PBLD: variants seen among roughly 807,000 people sequenced by gnomAD.
PBLD encodes phenazine biosynthesis-like domain-containing protein.
PBLD carries 26 observed loss-of-function variants against 31.3 expected under a neutral mutation model. That is an observed-to-expected ratio of 0.83 (90% CI 0.61 to 1.15). PBLD has a LOEUF of 1.15. Among genes scored for constraint, PBLD ranks in the 50% most tolerant of loss-of-function variants. PBLD has a pLI of 0.00. For synonymous variants in PBLD, 114 were observed against 129.0 expected (o/e 0.88, Z 0.79); for missense variants, 307 against 351.7 (o/e 0.87, Z 1.02).
In PBLD at chr10:68,293,385, C is replaced by T. The variant is rs540514198; in HGVS notation, c.284-1147G>A. Among the ~76,000 whole-genome samples, 33 of 152,308 alleles carry T rather than the reference C, an allele frequency of 2.2e-4. No individual in the cohort carries two copies. In the Middle Eastern group the frequency reaches 0.01, roughly 47 times the overall value. On this transcript the variant is annotated intron_variant, in intron 4 of 9. Coordinates refer to ENST00000358769, the MANE Select transcript of PBLD (RefSeq NM_022129.4). The stretch of plus-strand genomic sequence containing the variant: ...TTGGCATCCCATGTTACTGATACAA[C>T]TTGGGCTACTTATCAGTGTGTATAA...
At chr10:68,296,630 A>T (rs2044431772) in intron 3 of PBLD, among the ~76,000 whole-genome samples, 1 of 152,206 alleles carries the variant, frequency 6.6e-6, no homozygotes. Context: ...TCTGCATGCA[A>T]ATAATAAGGG....
intron 1 of PBLD, among the ~76,000 whole-genome samples, chr10:68,309,406 CAAAAAAAAA>C (rs58152894): frequency 7.0e-5 from 8 of 114,712 alleles, no homozygotes; most frequent in East Asian, 3.9e-4. Context: ...GATTATGTTT[CAAAAAAAAA>C]AAAAAAAAAA....
intron 2 of PBLD, among the ~76,000 whole-genome samples, chr10:68,305,342 G>A (rs1220002634): frequency 6.7e-6 from 1 of 148,990 alleles, no homozygotes; most frequent in Non-Finnish European, 1.5e-5. Context: ...CTGGCTCCTG[G>A]CCCCAAGCAA....
chr10:68,303,275 G>A (rs1589658453), intron 2 of PBLD, among the ~76,000 whole-genome samples: 2 of 151,852 alleles, frequency 1.3e-5, no homozygotes, highest in South Asian at 2.1e-4. Flanking sequence ...CTAATTTGAC[G>A]GGGTTTCACC....
Position 68,306,872 on chromosome 10 carries a change from C to A in PBLD, c.-28G>T, listed in dbSNP as rs1248429731. On this transcript the variant is annotated 5_prime_UTR_variant, in exon 2 of 10. Coordinates refer to ENST00000358769, the MANE Select transcript of PBLD (RefSeq NM_022129.4). Reference sequence around the variant, plus strand: ...TCCTTGCAAGCTGTTTTTGCAAGTTCTCAAAATTGCTGGTAGCCTGCTTTA... The same window carrying A: ...TCCTTGCAAGCTGTTTTTGCAAGTTATCAAAATTGCTGGTAGCCTGCTTTA... 1.3e-6 allele frequency: 2 copies of A among 1,566,226 alleles called. No individual in the cohort carries two copies. Among genetic ancestry groups the A allele is most frequent in the Non-Finnish European group, 1.8e-6 (2 of 1,140,740 alleles).
intron 6 of PBLD, 98 bp downstream of exon 6, chr10:68,291,912 A>T (rs754174477): frequency 5.7e-5 from 74 of 1,293,020 alleles, no homozygotes; most frequent in Non-Finnish European, 7.8e-5. Context: ...TAACATTTAT[A>T]TTGGTAAAAT....
chr10:68,319,833 T>A (rs905863529), intron 1 of PBLD, among the ~76,000 whole-genome samples: 3 of 151,338 alleles, frequency 2.0e-5, no homozygotes, highest in African/African-American at 7.3e-5. Flanking sequence ...TTTATTTATT[T>A]TTTTTTTGAG....
intron 1 of PBLD, among the ~76,000 whole-genome samples, chr10:68,308,212 T>C (rs2134481810): frequency 6.6e-6 from 1 of 152,340 alleles, no homozygotes; most frequent in South Asian, 2.1e-4. Context: ...AAAAACACCC[T>C]TTTAATAGAT....
At chr10:68,288,192 G>A (rs1053365651) in intron 8 of PBLD, 1 of 415,070 alleles carries the variant, frequency 2.4e-6, no homozygotes, top group African/African-American at 2.0e-5. Flanking sequence ...ATAGAGGAGG[G>A]AACTGAGACT....
intron 4 of PBLD, among the ~76,000 whole-genome samples, chr10:68,292,792 G>A (rs1265817555): frequency 6.6e-6 from 1 of 152,132 alleles, no homozygotes; most frequent in Non-Finnish European, 1.5e-5. Flanking sequence ...TTACAGGCGT[G>A]AGCCACCACA....
At chr10:68,323,807 G>A (rs2044872232) in intron 1 of PBLD, among the ~76,000 whole-genome samples, 3 of 152,222 alleles carry the variant, frequency 2.0e-5, no homozygotes, top group East Asian at 3.9e-4. Flanking sequence ...ATTCTTCACT[G>A]TAAATAATAA....
chr10:68,327,673 CAAAA>C (rs35759039), intron 1 of PBLD, among the ~76,000 whole-genome samples: 1 of 68,832 alleles, frequency 1.5e-5, no homozygotes, highest in Non-Finnish European at 2.7e-5. Context: ...GACTCCACCT[CAAAA>C]AAAAAAAAAA....
intron 1 of PBLD, among the ~76,000 whole-genome samples, chr10:68,322,663 C>CA (rs201985160): frequency 1.9e-3 from 229 of 119,162 alleles, no homozygotes; most frequent in East Asian, 2.5e-3. Context: ...GACCCTGTCT[C>CA]AAAAAAAAAA....
intron 1 of PBLD, among the ~76,000 whole-genome samples, chr10:68,330,638 C>T (rs140597646): frequency 2.5e-3 from 380 of 151,822 alleles, no homozygotes; most frequent in African/African-American, 8.3e-3. Context: ...CTCTGCCTCC[C>T]GGGTCCACGC....
Position 68,292,198 on chromosome 10 carries a change from T to A in PBLD, c.324A>T (p.Gly108=). 1 of 1,613,818 alleles carries A rather than the reference T, an allele frequency of 6.2e-7. No homozygotes were observed. The highest frequency in any genetic ancestry group is 1.1e-5 in the South Asian group (1 of 91,084). ...CCTCTGCTCGTCTGGCCCTTAGTTC[T>A]CCACTCAGAGTGACAAACGTGAGCG... ...NSTLTFVTLS[G]ELRARRAEDG... The change falls in exon 5 of 10, where the codon GGA becomes GGT. Residue 108 remains glycine (G), a synonymous_variant. Coordinates refer to ENST00000358769, the MANE Select transcript of PBLD (RefSeq NM_022129.4).
intron 6 of PBLD, among the ~76,000 whole-genome samples, chr10:68,291,372 C>G (rs1281348275): frequency 2.6e-5 from 4 of 152,208 alleles, no homozygotes; most frequent in Non-Finnish European, 1.5e-5. Flanking sequence ...ACACAGACCC[C>G]ATGAGGAGCC....
At chr10:68,322,101 TAA>T (rs372662365) in intron 1 of PBLD, among the ~76,000 whole-genome samples, 3 of 152,106 alleles carry the variant, frequency 2.0e-5, no homozygotes, top group African/African-American at 7.2e-5. Flanking sequence ...GTGATCAAGG[TAA>T]AGAGTCATGT....
At chr10:68,288,872 G>T in intron 7 of PBLD, 59 bp downstream of exon 7, 1 of 1,478,936 alleles carries the variant, frequency 6.8e-7, no homozygotes, top group South Asian at 1.1e-5. Context: ...GACTAAGGAA[G>T]AGCTATAAAT....
intron 1 of PBLD, chr10:68,331,117 T>TC (rs1038446860): frequency 1.3e-5 from 2 of 151,940 alleles, no homozygotes; most frequent in African/African-American, 4.8e-5. Flanking sequence ...CAAGCGATCC[T>TC]CCCCCTCGGC....
Sources: allele counts gnomAD v4.1 joint callset (sites outside exome capture counted in the v4.1 genomes callset), GRCh38; gene constraint gnomAD v4.1.1; transcripts MANE v1.5; gene names NCBI Gene and HGNC (gene_info 2026-07-23, HGNC 2026-07-21).